KCNQ3: variants seen among roughly 807,000 people sequenced by gnomAD.
KCNQ3 encodes the protein potassium voltage-gated channel subfamily KQT member 3.
Under a neutral mutation model 92.5 loss-of-function variants are expected in KCNQ3, and 30 were observed. The ratio of observed to expected loss-of-function variants is 0.32; its 90% CI spans 0.24 to 0.44. The LOEUF (loss-of-function observed/expected upper bound fraction) is 0.44, where lower values mean the gene tolerates loss of function less well. KCNQ3 is among the 20% of genes least tolerant of loss of function. The pLI, the probability that KCNQ3 is intolerant of heterozygous loss-of-function variation, is 1.00. For missense variants in KCNQ3, 913 were observed against 1,140.3 expected, an observed-to-expected ratio of 0.80 and a Z score of 2.87; for synonymous variants, 450 against 468.8, an observed-to-expected ratio of 0.96 and a Z score of 0.52.
At chr8:132,311,438 C>T (rs1299434762) in intron 1 of KCNQ3, among the ~76,000 whole-genome samples, 6 of 152,084 alleles carry the variant, frequency 3.9e-5, no homozygotes, top group South Asian at 2.1e-4. Flanking sequence ...ATGTGTAAAC[C>T]GTCCTTAAGG....
At chr8:132,336,111 G>A (rs189325212) in intron 1 of KCNQ3, among the ~76,000 whole-genome samples, 34 of 152,284 alleles carry the variant, frequency 2.2e-4, no homozygotes, top group East Asian at 1.2e-3. Context: ...CTGAGCTGCC[G>A]TCCTGTTTTC....
At chr8:132,310,194 C>T (rs1407034161) in intron 1 of KCNQ3, among the ~76,000 whole-genome samples, 1 of 152,186 alleles carries the variant, frequency 6.6e-6, no homozygotes, top group Middle Eastern at 3.2e-3. Context: ...CTGCTCAGAT[C>T]CCTGGGTGGA....
intron 9 of KCNQ3, among the ~76,000 whole-genome samples, chr8:132,163,205 A>G (rs568698734): frequency 1.3e-5 from 2 of 152,310 alleles, no homozygotes; most frequent in East Asian, 3.9e-4. Context: ...GGTTATGAAG[A>G]CCAAATGAGA....
chr8:132,372,163 C>A, intron 1 of KCNQ3, among the ~76,000 whole-genome samples: 1 of 152,136 alleles, frequency 6.6e-6, no homozygotes, highest in East Asian at 1.9e-4. Context: ...TTAATGGCTT[C>A]CTCTGGGCTT....
At chr8:132,293,421 C>T (rs1242280662) in intron 1 of KCNQ3, among the ~76,000 whole-genome samples, 7 of 152,248 alleles carry the variant, frequency 4.6e-5, no homozygotes. Flanking sequence ...CAGCTGGTGT[C>T]TGCTGCCTGG....
rs148277612 is a variant in KCNQ3, at chr8:132,228,359, C to T, written c.387-42178G>A. 4.5e-3 allele frequency among the ~76,000 whole-genome samples: 679 copies of T among 152,152 alleles called. 9 individuals carry two copies. The highest frequency in any genetic ancestry group is 0.016 in the African/African-American group (661 of 41,502). ...TGATTCATCCATCCATCTATCCATTCACTGAGTTATTGAGAGAGAGAGAGA... is the reference window on the plus strand; with the variant it reads ...TGATTCATCCATCCATCTATCCATTTACTGAGTTATTGAGAGAGAGAGAGA... On this transcript the variant is annotated intron_variant, in intron 1 of 14. Transcript: ENST00000388996.
chr8:132,290,539 A>T (rs1816809063), intron 1 of KCNQ3, among the ~76,000 whole-genome samples: 1 of 152,288 alleles, frequency 6.6e-6, no homozygotes, highest in East Asian at 1.9e-4. Context: ...GACTGCACTA[A>T]TCCTGACACA....
intron 1 of KCNQ3, chr8:132,187,264 G>A: frequency 2.2e-6 from 1 of 456,012 alleles, no homozygotes; most frequent in Non-Finnish European, 4.4e-6. Context: ...CGCATACAGA[G>A]CTGGAATTCA....
intron 1 of KCNQ3, among the ~76,000 whole-genome samples, chr8:132,271,773 A>T (rs1015952420): frequency 6.6e-6 from 1 of 152,106 alleles, no homozygotes; most frequent in Non-Finnish European, 1.5e-5. Flanking sequence ...CCTTTTCTGG[A>T]TGTGGAAAGA....
At chr8:132,281,647 A>G (rs918158460) in intron 1 of KCNQ3, among the ~76,000 whole-genome samples, 2 of 151,748 alleles carry the variant, frequency 1.3e-5, no homozygotes, top group Non-Finnish European at 2.9e-5. Flanking sequence ...AACTATAACA[A>G]TCTCCGACCT....
intron 1 of KCNQ3, chr8:132,277,910 C>G (rs1376225548): frequency 1.0e-6 from 1 of 980,098 alleles, no homozygotes; most frequent in Non-Finnish European, 1.2e-6. Context: ...CTTCCTGCTC[C>G]TACCTCCCTC....
intron 1 of KCNQ3, among the ~76,000 whole-genome samples, chr8:132,397,110 A>C (rs895087342): frequency 6.6e-6 from 1 of 152,166 alleles, no homozygotes; most frequent in African/African-American, 2.4e-5. Flanking sequence ...TAAGACACAC[A>C]TCAAATCCAG....
intron 1 of KCNQ3, among the ~76,000 whole-genome samples, chr8:132,369,415 C>A (rs1427752900): frequency 6.6e-6 from 1 of 152,086 alleles, no homozygotes; most frequent in East Asian, 1.9e-4. Context: ...TGTCTAGAAG[C>A]AACGATGCCC....
rs1333954674 is a variant in KCNQ3 at position 132,480,806 on chromosome 8, G to GA, written c.-275dup. On this transcript the variant is annotated 5_prime_UTR_variant, in exon 1 of 15. Coordinates refer to ENST00000388996, the MANE Select transcript of KCNQ3 (RefSeq NM_004519.4). The stretch of plus-strand genomic sequence containing the variant: ...GGGCCGGGGGCTGCGGAGAAGCTGG[G>GA]AGGGCGCGCGAGGCTGGCGCGGAGG... The GA allele has an allele frequency of 1.2e-5, 2 of 166,208 alleles. No homozygotes were observed. Among genetic ancestry groups the GA allele is most frequent in the Admixed American group, 1.3e-4 (2 of 15,206 alleles). 10.3% of individuals were successfully genotyped at this position (166,208 alleles called of 1,614,324 possible).
intron 1 of KCNQ3, among the ~76,000 whole-genome samples, chr8:132,389,734 T>C (rs529085682): frequency 2.0e-5 from 3 of 152,330 alleles, no homozygotes; most frequent in South Asian, 2.1e-4. Context: ...CACTGCCACA[T>C]ACCCATCAGA....
At chr8:132,220,297 C>G (rs1284024554) in intron 1 of KCNQ3, among the ~76,000 whole-genome samples, 1 of 152,100 alleles carries the variant, frequency 6.6e-6, no homozygotes, top group Non-Finnish European at 1.5e-5. Context: ...AAAAACTGAC[C>G]ACAGCCACCT....
chr8:132,456,860 G>A (rs542667110), intron 1 of KCNQ3, among the ~76,000 whole-genome samples: 16 of 152,148 alleles, frequency 1.1e-4, no homozygotes, highest in African/African-American at 1.9e-4. Context: ...TGATCTGCCC[G>A]CCTCAGCCTC....
intron 1 of KCNQ3, among the ~76,000 whole-genome samples, chr8:132,384,656 G>A (rs1276154782): frequency 2.6e-5 from 4 of 152,140 alleles, no homozygotes; most frequent in African/African-American, 4.8e-5. Flanking sequence ...TGAGAAACAC[G>A]AGTTCAAGGA....
In KCNQ3 at chr8:132,237,732, G is replaced by A. The variant is rs143521956; in HGVS notation, c.387-51551C>T. Among the ~76,000 whole-genome samples the A allele has an allele frequency of 9.1e-4, 139 of 152,262 alleles. 1 individual carries two copies. In the East Asian group the frequency reaches 0.021, roughly 23 times the overall value. On this transcript the variant is annotated intron_variant, in intron 1 of 14. Transcript: ENST00000388996. ...AGCTGGGTGGTTTGTTGGAATTTGC[G>A]CTTTAATAGTATTTCTTGATTGCAA...
Sources: allele counts gnomAD v4.1 joint callset (sites outside exome capture counted in the v4.1 genomes callset), GRCh38; gene constraint gnomAD v4.1.1; transcripts MANE v1.5; gene names NCBI Gene and HGNC (gene_info 2026-07-23, HGNC 2026-07-21).